Variants in ATRNL1 observed in about 807,000 individuals in gnomAD.
The protein encoded by ATRNL1 is attractin-like protein 1.
In ATRNL1, 95 loss-of-function variants were observed where a neutral mutation model predicts 182.7. The ratio of observed to expected loss-of-function variants is 0.52; its 90% CI spans 0.44 to 0.62. The LOEUF is 0.62. Among genes scored for constraint, ATRNL1 ranks in the 20% least tolerant of loss-of-function variants. ATRNL1 has a pLI of 0.00. For missense variants in ATRNL1, 1,471 were observed against 1,679.5 expected (o/e 0.88, Z 2.17); for synonymous variants, 576 against 568.3 (o/e 1.01, Z -0.19).
intron 27 of ATRNL1, among the ~76,000 whole-genome samples, chr10:115,808,800 A>T (rs782388836): frequency 2.0e-5 from 3 of 152,042 alleles, no homozygotes; most frequent in Non-Finnish European, 4.4e-5. Context: ...TTGCTTATTG[A>T]CCACTGATAT....
chr10:115,878,457 G>A (rs962577928), intron 28 of ATRNL1, among the ~76,000 whole-genome samples: 15 of 152,180 alleles, frequency 9.9e-5, no homozygotes, highest in African/African-American at 3.1e-4. Flanking sequence ...ACACACACAC[G>A]TTATTGAACC....
chr10:115,127,689 G>T lies in ATRNL1; in HGVS notation c.588G>T (p.Ala196=), dbSNP rs139960943. Residue 196 remains alanine, a synonymous_variant, in exon 4 of 29, where the codon GCG becomes GCT. Coordinates refer to ENST00000355044, the MANE Select transcript of ATRNL1 (RefSeq NM_207303.4). The part of the protein sequence containing the change: ...YALLHFFSDA[A]YNLTGFNIFY... ...TGTTACATTTTTTTAGTGATGCTGC[G>T]TATAATCTAACTGGTTTCAACATTT... The T allele has an allele frequency of 3.2e-5, 49 of 1,542,736 alleles. No homozygotes were observed. In the African/African-American group the frequency reaches 5.1e-4, roughly 16 times the overall value.
chr10:115,432,134 A>G (rs1846200537), intron 21 of ATRNL1, among the ~76,000 whole-genome samples: 1 of 152,190 alleles, frequency 6.6e-6, no homozygotes, highest in Non-Finnish European at 1.5e-5. Flanking sequence ...TTAGCTTAAC[A>G]CATCTAAAAT....
chr10:115,652,845 G>A (rs74430877), intron 26 of ATRNL1, among the ~76,000 whole-genome samples: 3 of 151,970 alleles, frequency 2.0e-5, no homozygotes, highest in African/African-American at 7.2e-5. Context: ...CTAAATATTT[G>A]TCATTTATTA....
chr10:115,917,916 G>A (rs1330969105), intron 28 of ATRNL1, among the ~76,000 whole-genome samples: 1 of 151,980 alleles, frequency 6.6e-6, no homozygotes, highest in East Asian at 1.9e-4. Flanking sequence ...TGGTTGATTG[G>A]CTTTTCTTAT....
chr10:115,646,036 TACACACACAC>T (rs58679995), intron 26 of ATRNL1, among the ~76,000 whole-genome samples: 1 of 141,556 alleles, frequency 7.1e-6, no homozygotes. Context: ...TTTTAAAATT[TACACACACAC>T]ACACACACAC....
At chr10:115,367,906 A>G (rs1857146189) in intron 19 of ATRNL1, among the ~76,000 whole-genome samples, 1 of 149,916 alleles carries the variant, frequency 6.7e-6, no homozygotes, top group African/African-American at 2.5e-5. Context: ...TGCTGGGAGA[A>G]CCACTGCTCT....
rs138595408 is a variant in ATRNL1 at position 115,493,406 on chromosome 10, G to A, written c.3654+24077G>A. ...CCTGCATTATTTCGCTTAGGATATTGACCTTCAGCTCCATTCATGTTGCTA... is the reference window on the plus strand; with the variant it reads ...CCTGCATTATTTCGCTTAGGATATTAACCTTCAGCTCCATTCATGTTGCTA... On this transcript the variant is annotated intron_variant, in intron 24 of 28. Transcript: ENST00000355044. 3.3e-3 allele frequency among the ~76,000 whole-genome samples: 502 copies of A among 152,238 alleles called. 3 individuals carry two copies. Among genetic ancestry groups the A allele is most frequent in the African/African-American group, 0.012 (485 of 41,546 alleles).
At chr10:115,280,643 G>A (rs917720136) in intron 13 of ATRNL1, among the ~76,000 whole-genome samples, 3 of 152,190 alleles carry the variant, frequency 2.0e-5, no homozygotes, top group African/African-American at 4.8e-5. Flanking sequence ...GAAGAACTTC[G>A]TGTAGTCCCT....
intron 26 of ATRNL1, among the ~76,000 whole-genome samples, chr10:115,603,914 T>C (rs1353842402): frequency 1.3e-5 from 2 of 152,196 alleles, no homozygotes; most frequent in Admixed American, 6.5e-5. Context: ...ATATTTTTAC[T>C]GATTATAGAA....
intron 27 of ATRNL1, among the ~76,000 whole-genome samples, chr10:115,743,773 ATG>A (rs1418572922): frequency 2.0e-5 from 2 of 98,024 alleles, no homozygotes; most frequent in Admixed American, 1.3e-4. Flanking sequence ...TTAAAATACT[ATG>A]TGTATTTTAT....
intron 25 of ATRNL1, among the ~76,000 whole-genome samples, chr10:115,545,234 C>CAAA (rs71010026): frequency 4.4e-4 from 42 of 94,842 alleles, no homozygotes; most frequent in African/African-American, 6.2e-4. Context: ...GACTCCGTAT[C>CAAA]AAAAAAAAAA....
At chr10:115,578,637 T>C (rs1210832431) in intron 26 of ATRNL1, among the ~76,000 whole-genome samples, 2 of 151,614 alleles carry the variant, frequency 1.3e-5, no homozygotes, top group African/African-American at 2.4e-5. Flanking sequence ...CTCTCTTTCT[T>C]CTTCTAGCTA....
At chr10:115,907,304 T>G (rs1952533794) in intron 28 of ATRNL1, among the ~76,000 whole-genome samples, 1 of 152,258 alleles carries the variant, frequency 6.6e-6, no homozygotes. Context: ...ATTTTTGTAT[T>G]ACAGTTTCTA....
intron 21 of ATRNL1, among the ~76,000 whole-genome samples, chr10:115,446,748 A>T (rs1284646422): frequency 6.6e-6 from 1 of 152,074 alleles, no homozygotes; most frequent in African/African-American, 2.4e-5. Flanking sequence ...TACGAAGCTC[A>T]TACAAAAAGT....
At chr10:115,938,560 G>T (rs1953632402) in intron 28 of ATRNL1, among the ~76,000 whole-genome samples, 2 of 151,978 alleles carry the variant, frequency 1.3e-5, no homozygotes. Context: ...ATTCATTTCA[G>T]CATTATTCAC....
At chr10:115,619,095 T>G (rs1592956820) in intron 26 of ATRNL1, among the ~76,000 whole-genome samples, 1 of 152,186 alleles carries the variant, frequency 6.6e-6, no homozygotes, top group Non-Finnish European at 1.5e-5. Flanking sequence ...CAACATCAGT[T>G]ATGTCTGTGT....
At chr10:115,249,217 C>T (rs1850769472) in intron 10 of ATRNL1, among the ~76,000 whole-genome samples, 1 of 152,068 alleles carries the variant, frequency 6.6e-6, no homozygotes, top group African/African-American at 2.4e-5. Flanking sequence ...TGGTCTTGAA[C>T]TCCTGACCTC....
At chr10:115,465,172 T>G (rs1241378967) in intron 22 of ATRNL1, among the ~76,000 whole-genome samples, 2 of 151,778 alleles carry the variant, frequency 1.3e-5, no homozygotes, top group African/African-American at 4.8e-5. Context: ...TATCTGACTC[T>G]TCACTAATTC....
Sources: allele counts gnomAD v4.1 joint callset (sites outside exome capture counted in the v4.1 genomes callset), GRCh38; gene constraint gnomAD v4.1.1; transcripts MANE v1.5; gene names NCBI Gene and HGNC (gene_info 2026-07-23, HGNC 2026-07-21).